Variants in TAB2 observed in about 807,000 individuals in gnomAD.
The protein encoded by TAB2 is TGF-beta activated kinase 1 (MAP3K7) binding protein 2, also known as TGF-beta-activated kinase 1 and MAP3K7-binding protein 2.
In TAB2, 3 loss-of-function variants were observed where a neutral mutation model predicts 65.0. That is an observed-to-expected ratio of 0.05 (90% CI 0.02 to 0.12). The LOEUF is 0.12. Ranked by LOEUF, TAB2 falls within the 10% of genes least tolerant of loss-of-function variation. TAB2 has a pLI of 1.00. For missense variants in TAB2, 623 were observed against 840.3 expected, an observed-to-expected ratio of 0.74 and a Z score of 3.20; for synonymous variants, 298 against 285.1, an observed-to-expected ratio of 1.05 and a Z score of -0.46.
chr6:149,309,978 T>C (rs1262790896), intron 1 of TAB2, among the ~76,000 whole-genome samples: 1 of 152,116 alleles, frequency 6.6e-6, no homozygotes, highest in African/African-American at 2.4e-5. Context: ...TTTCAGTTAA[T>C]AAAATATCCA....
Position 149,359,307 on chromosome 6 carries a change from A to G in TAB2, c.-89-10602A>G, listed in dbSNP as rs147239434. 3.9e-3 allele frequency among the ~76,000 whole-genome samples: 596 copies of G among 152,312 alleles called. 6 individuals are homozygous for G. The highest frequency in any genetic ancestry group is 0.019 in the South Asian group (92 of 4,828). ...TTGTTTCTGCCAGGAATCCTATGGT[A>G]TCACCAGCCTCAGACCAATTTTTTT... On this transcript the variant is annotated intron_variant, in intron 1 of 6. Transcript: ENST00000637181.
intron 1 of TAB2, among the ~76,000 whole-genome samples, chr6:149,299,501 G>C (rs915790006): frequency 6.6e-6 from 1 of 152,202 alleles, no homozygotes; most frequent in Admixed American, 6.5e-5. Context: ...GAACCCAGGA[G>C]GGGGAGGCTG....
chr6:149,408,841 C>T (rs1782750991), intron 6 of TAB2, among the ~76,000 whole-genome samples: 1 of 152,002 alleles, frequency 6.6e-6, no homozygotes, highest in African/African-American at 2.4e-5. Flanking sequence ...TTCCAGTGAC[C>T]TTTATTTTAT....
At chr6:149,402,741 G>T (rs963113599) in intron 6 of TAB2, among the ~76,000 whole-genome samples, 2 of 152,074 alleles carry the variant, frequency 1.3e-5, no homozygotes, top group African/African-American at 4.8e-5. Flanking sequence ...TAAAATACTG[G>T]CAAACCAAAC....
In TAB2 at chr6:149,339,585, TTTTATTTATTTA is replaced by T. The variant is rs869044349; in HGVS notation, c.-90+21582_-90+21593del. 7.4e-3 allele frequency among the ~76,000 whole-genome samples: 180 copies of T among 24,200 alleles called. 3 individuals carry two copies. Among genetic ancestry groups the T allele is most frequent in the South Asian group, 0.034 (26 of 762 alleles). The allele number at this position is 24,200 out of a possible 152,430, so 15.9% of individuals were successfully genotyped here. A position where few individuals can be genotyped will look rare whatever the true frequency, so the allele number is the denominator to read the frequency against. On this transcript the variant is annotated intron_variant, in intron 1 of 6. Coordinates refer to ENST00000637181, the MANE Select transcript of TAB2 (RefSeq NM_001292034.3). ...GAAGCACGGCCCAATAATTAATCTT[TTTTATTTATTTA>T]TTTATTTATTTTTTTTTTTTTTTGA...
intron 3 of TAB2, among the ~76,000 whole-genome samples, chr6:149,389,663 A>G (rs2114920565): frequency 6.7e-6 from 1 of 148,392 alleles, no homozygotes; most frequent in African/African-American, 2.4e-5. Context: ...AAAAAAAAAA[A>G]AAGGTATAAA....
chr6:149,328,668 G>A (rs1292622777), intron 1 of TAB2, among the ~76,000 whole-genome samples: 1 of 152,156 alleles, frequency 6.6e-6, no homozygotes, highest in Non-Finnish European at 1.5e-5. Flanking sequence ...TACTTTGCTA[G>A]GTCAAAGGGG....
chr6:149,333,894 G>A (rs1002573163), intron 1 of TAB2, among the ~76,000 whole-genome samples: 3 of 152,118 alleles, frequency 2.0e-5, no homozygotes, highest in Non-Finnish European at 2.9e-5. Flanking sequence ...CAGGGAATAA[G>A]GAAAGGGAGC....
chr6:149,363,727 A>G (rs1341769101), intron 1 of TAB2, among the ~76,000 whole-genome samples: 1 of 152,102 alleles, frequency 6.6e-6, no homozygotes, highest in Non-Finnish European at 1.5e-5. Flanking sequence ...CTCAGGTTTT[A>G]ATTAACGCCA....
At chr6:149,331,150 G>A (rs490529) in intron 1 of TAB2, among the ~76,000 whole-genome samples, 18,500 of 152,004 alleles carry the variant, frequency 0.12, 1,740 homozygotes, top group East Asian at 0.51. Context: ...TCAGTTTCGG[G>A]GAAATTGACA....
At chr6:149,405,622 T>TTCACCCATC (rs1782637230) in intron 6 of TAB2, among the ~76,000 whole-genome samples, 1 of 152,194 alleles carries the variant, frequency 6.6e-6, no homozygotes, top group Admixed American at 6.5e-5. Context: ...CTGGAGGATG[T>TTCACCCATC]CTTGCTAAGT....
chr6:149,304,703 C>A (rs945675378), intron 1 of TAB2, among the ~76,000 whole-genome samples: 5 of 152,142 alleles, frequency 3.3e-5, no homozygotes. Context: ...ATAGGTACAC[C>A]ATTATCAGGA....
intron 1 of TAB2, among the ~76,000 whole-genome samples, chr6:149,337,663 C>T (rs1323609754): frequency 6.6e-6 from 1 of 152,226 alleles, no homozygotes; most frequent in African/African-American, 2.4e-5. Context: ...TGTAACACCA[C>T]AGTCACTATC....
chr6:149,368,256 G>A (rs749791453), intron 1 of TAB2, among the ~76,000 whole-genome samples: 9 of 152,246 alleles, frequency 5.9e-5, no homozygotes, highest in Non-Finnish European at 4.4e-5. Flanking sequence ...GGTTGAATGG[G>A]TCCTGAGCTA....
chr6:149,397,322 T>C (rs914336172), intron 3 of TAB2, among the ~76,000 whole-genome samples: 1 of 151,798 alleles, frequency 6.6e-6, no homozygotes, highest in South Asian at 2.1e-4. Context: ...TTGCCCATAA[T>C]CCCAGCTACT....
intron 1 of TAB2, among the ~76,000 whole-genome samples, chr6:149,282,729 A>T (rs1230302690): frequency 6.6e-6 from 1 of 152,226 alleles, no homozygotes; most frequent in Non-Finnish European, 1.5e-5. Context: ...CAGAACAAAT[A>T]TGAATTCAAC....
At chr6:149,359,946 T>C (rs1780789131) in intron 1 of TAB2, among the ~76,000 whole-genome samples, 1 of 152,228 alleles carries the variant, frequency 6.6e-6, no homozygotes, top group African/African-American at 2.4e-5. Context: ...GCTTTTGGTA[T>C]CTATTGAGAT....
intron 6 of TAB2, among the ~76,000 whole-genome samples, chr6:149,406,590 G>T (rs1040618572): frequency 6.6e-6 from 1 of 152,098 alleles, no homozygotes; most frequent in Non-Finnish European, 1.5e-5. Flanking sequence ...TGCAGGAAAA[G>T]AAAAAGAAAT....
intron 1 of TAB2, among the ~76,000 whole-genome samples, chr6:149,345,736 G>A (rs1342616738): frequency 6.6e-6 from 1 of 151,990 alleles, no homozygotes; most frequent in African/African-American, 2.4e-5. Context: ...CATAGGAAAG[G>A]ACAAAACATT....
Sources: allele counts gnomAD v4.1 joint callset (sites outside exome capture counted in the v4.1 genomes callset), GRCh38; gene constraint gnomAD v4.1.1; transcripts MANE v1.5; gene names NCBI Gene and HGNC (gene_info 2026-07-23, HGNC 2026-07-21).